DST: variants seen among roughly 807,000 people sequenced by gnomAD.
DST encodes bullous pemphigoid antigen.
DST carries 253 observed loss-of-function variants against 875.2 expected under a neutral mutation model. The observed-to-expected ratio is 0.29, with a 90% CI of 0.26 to 0.32. The LOEUF (loss-of-function observed/expected upper bound fraction) is 0.32, where lower values mean the gene tolerates loss of function less well. Among genes scored for constraint, DST ranks in the 10% least tolerant of loss-of-function variants. The pLI is 1.00. For missense variants in DST, 8,287 were observed against 9,111.6 expected, an observed-to-expected ratio of 0.91 and a Z score of 3.68; for synonymous variants, 3,124 against 3,197.1, an observed-to-expected ratio of 0.98 and a Z score of 0.77.
intron 57 of DST, 139 bp from the exon 58 acceptor site, chr6:56,560,562 A>G: frequency 2.3e-6 from 2 of 861,850 alleles, no homozygotes; most frequent in Non-Finnish European, 3.4e-6. Flanking sequence ...GAGGGCCTGG[A>G]TTTTGCAATT....
intron 36 of DST, among the ~76,000 whole-genome samples, chr6:56,620,956 T>C (rs2098686492): frequency 6.6e-6 from 1 of 152,188 alleles, no homozygotes. Context: ...TCAGGAATAA[T>C]TTTATTTTAA....
intron 30 of DST, 86 bp from the exon 31 acceptor site, chr6:56,630,469 G>T: frequency 8.7e-7 from 1 of 1,150,496 alleles, no homozygotes; most frequent in South Asian, 1.3e-5. Context: ...TATGACACAT[G>T]ACATAACATG....
At chr6:56,944,387 C>T (rs369254126) in intron 2 of DST, among the ~76,000 whole-genome samples, 4 of 151,282 alleles carry the variant, frequency 2.6e-5, no homozygotes, top group South Asian at 2.1e-4. Context: ...TACTACGAGG[C>T]GGGAGTCATG....
chr6:56,922,471 T>C (rs1374297842), intron 2 of DST, among the ~76,000 whole-genome samples: 1 of 152,216 alleles, frequency 6.6e-6, no homozygotes. Flanking sequence ...TGGAGCCTAG[T>C]TCATGAGGCA....
intron 10 of DST, among the ~76,000 whole-genome samples, chr6:56,668,891 G>A (rs1461067334): frequency 6.6e-6 from 1 of 151,910 alleles, no homozygotes; most frequent in African/African-American, 2.4e-5. Flanking sequence ...AAGAAAAGGG[G>A]AGAGAAAAGA....
At chr6:56,923,029 T>G (rs938966766) in intron 2 of DST, among the ~76,000 whole-genome samples, 4 of 152,130 alleles carry the variant, frequency 2.6e-5, no homozygotes, top group Non-Finnish European at 5.9e-5. Flanking sequence ...ATCTAACATA[T>G]AAGTTTTAAA....
chr6:56,785,404 C>G (rs1174262017), intron 4 of DST, among the ~76,000 whole-genome samples: 3 of 152,214 alleles, frequency 2.0e-5, no homozygotes, highest in Non-Finnish European at 4.4e-5. Context: ...CCTAAGCAAG[C>G]CTGGGCAATG....
At chr6:56,647,693 T>G (rs1012106375) in intron 13 of DST, among the ~76,000 whole-genome samples, 1 of 151,796 alleles carries the variant, frequency 6.6e-6, no homozygotes. Flanking sequence ...GTAATGTTTT[T>G]TTTTTTTTTT....
chr6:56,640,411 A>G lies in DST; in HGVS notation c.2222T>C (p.Leu741Pro), dbSNP rs2098882443. ...GCCAGAAGTCATACTAGAAGAGGTTAGGGAAGGTGTTAAACTCTGGGTCAG... is the reference window on the plus strand; with the variant it reads ...GCCAGAAGTCATACTAGAAGAGGTTGGGGAAGGTGTTAAACTCTGGGTCAG... ...SGLTQSLTPS[L>P]TSSSMTSGLS... Residue 741 changes from leucine (L) to proline (P), a missense_variant, in exon 18 of 104, where the codon CTA becomes CCA. Transcript: ENST00000680361. 1.2e-6 allele frequency: 2 copies of G among 1,614,030 alleles called. No individual in the cohort carries two copies. Among genetic ancestry groups the G allele is most frequent in the African/African-American group, 2.7e-5 (2 of 74,894 alleles).
At chr6:56,784,681 T>C (rs923043492) in intron 4 of DST, among the ~76,000 whole-genome samples, 29 of 152,250 alleles carry the variant, frequency 1.9e-4, no homozygotes, top group African/African-American at 6.8e-4. Flanking sequence ...TTTCCTCCTG[T>C]AGCTCGGAGT....
chr6:56,530,267 T>G, intron 64 of DST, 134 bp from the exon 65 acceptor site: 1 of 618,736 alleles, frequency 1.6e-6, no homozygotes, highest in Non-Finnish European at 2.4e-6. Flanking sequence ...TTAAATCTCT[T>G]AACATTTAAA....
intron 36 of DST, chr6:56,615,430 G>A: frequency 1.9e-6 from 3 of 1,595,494 alleles, no homozygotes; most frequent in Non-Finnish European, 2.6e-6. Flanking sequence ...TTCACAGACT[G>A]CATATGTAGC....
chr6:56,890,632 T>C (rs1257971555), intron 3 of DST, among the ~76,000 whole-genome samples: 2 of 152,212 alleles, frequency 1.3e-5, no homozygotes, highest in Non-Finnish European at 2.9e-5. Context: ...CAAATTCTTA[T>C]AGGTATATTT....
intron 4 of DST, among the ~76,000 whole-genome samples, chr6:56,747,230 G>C (rs1232698413): frequency 6.6e-6 from 1 of 152,198 alleles, no homozygotes; most frequent in Non-Finnish European, 1.5e-5. Flanking sequence ...AATGTGCTAG[G>C]TAAGCTGAGA....
At chr6:56,867,498 C>A (rs999326341) in intron 3 of DST, among the ~76,000 whole-genome samples, 4 of 152,112 alleles carry the variant, frequency 2.6e-5, no homozygotes, top group South Asian at 4.1e-4. Context: ...GATTTAAAAA[C>A]AGGAAATAAT....
chr6:56,686,740 A>G (rs1363777667), intron 9 of DST, among the ~76,000 whole-genome samples: 1 of 152,200 alleles, frequency 6.6e-6, no homozygotes, highest in Non-Finnish European at 1.5e-5. Flanking sequence ...TAAAGGAGAG[A>G]AAGAAGTGTC....
At chr6:56,625,338 C>G (rs2098723703) in intron 34 of DST, 74 bp from the exon 35 acceptor site, 2 of 944,658 alleles carry the variant, frequency 2.1e-6, no homozygotes, top group Admixed American at 3.4e-5. Context: ...TAATTTAACA[C>G]AGATAATTAG....
chr6:56,598,910 T>G (rs1435713561), intron 45 of DST, among the ~76,000 whole-genome samples: 1 of 152,106 alleles, frequency 6.6e-6, no homozygotes, highest in Non-Finnish European at 1.5e-5. Flanking sequence ...AAGAAAAGCA[T>G]GAATTTTCAT....
intron 9 of DST, among the ~76,000 whole-genome samples, chr6:56,681,464 C>T (rs532302325): frequency 3.9e-5 from 6 of 152,212 alleles, no homozygotes; most frequent in Non-Finnish European, 8.8e-5. Flanking sequence ...ATTCCCATCC[C>T]GTGCTACTCC....
Sources: gnomAD v4.1 joint callset for allele counts (sites outside exome capture counted in the v4.1 genomes callset) on GRCh38, gnomAD v4.1.1 for gene constraint, MANE v1.5 for transcripts, NCBI Gene and HGNC (gene_info 2026-07-23, HGNC 2026-07-21) for gene names.